Variants in PITPNM2 observed in about 807,000 individuals in gnomAD.
PITPNM2 encodes membrane-associated phosphatidylinositol transfer protein 2.
Under a neutral mutation model 132.2 loss-of-function variants are expected in PITPNM2, and 35 were observed. The ratio of observed to expected loss-of-function variants is 0.26; its 90% CI spans 0.20 to 0.35. The LOEUF (loss-of-function observed/expected upper bound fraction) is 0.35. PITPNM2 is among the 10% of genes least tolerant of loss of function. PITPNM2 has a pLI of 1.00. For synonymous variants in PITPNM2, 738 were observed against 799.2 expected (o/e 0.92, Z 1.29); for missense variants, 1,332 against 1,912.0 (o/e 0.70, Z 5.66).
chr12:123,001,036 A>T lies in PITPNM2; in HGVS notation c.1153+18T>A, dbSNP rs1594134499. On this transcript the variant is annotated intron_variant, in intron 9 of 25. Transcript: ENST00000320201. ...AACCGCCCTCCCCAGGCTCTGCAGC[A>T]CCCCCAGACCTGCTGACCTTGTGTG... 6.2e-7 allele frequency: 1 copy of T among 1,608,974 alleles called. No homozygotes were observed. The highest frequency in any genetic ancestry group is 2.2e-5 in the East Asian group (1 of 44,844).
intron 2 of PITPNM2, chr12:123,091,631 C>A (rs1194990349): frequency 6.6e-6 from 1 of 152,126 alleles, no homozygotes; most frequent in Non-Finnish European, 1.5e-5. Context: ...TGCATTTGAG[C>A]ACTACAAGCA....
chr12:123,043,664 G>A (rs2040564022), intron 2 of PITPNM2, among the ~76,000 whole-genome samples: 1 of 152,226 alleles, frequency 6.6e-6, no homozygotes, highest in Non-Finnish European at 1.5e-5. Context: ...GCAGCTCCAG[G>A]AGCAGGAGTG....
chr12:123,062,119 T>G (rs1257950497), intron 2 of PITPNM2, among the ~76,000 whole-genome samples: 2 of 152,160 alleles, frequency 1.3e-5, no homozygotes, highest in African/African-American at 4.8e-5. Context: ...GGGACCCTGA[T>G]GCTTGCTGCT....
rs1592937873 is a variant in PITPNM2 at position 123,008,071 on chromosome 12, A to C, written c.643+1779T>G. Among the ~76,000 whole-genome samples the C allele has an allele frequency of 6.6e-6, 1 of 152,224 alleles. No homozygotes were observed. The highest frequency in any genetic ancestry group is 2.4e-5 in the African/African-American group (1 of 41,442). On this transcript the variant is annotated intron_variant, in intron 6 of 25. Transcript: ENST00000320201. The surrounding 1 kb of genome is among the most constrained non-coding windows in gnomAD (Gnocchi z 4.1). The stretch of plus-strand genomic sequence containing the variant: ...TGTCATTACACCCATTTTACAGAAG[A>C]GAAAAGCAAAGCTCAGTGAGGCTGA...
intron 1 of PITPNM2, among the ~76,000 whole-genome samples, chr12:123,143,310 A>T (rs1383204116): frequency 6.6e-6 from 1 of 152,122 alleles, no homozygotes; most frequent in Non-Finnish European, 1.5e-5. Context: ...AGGACAACAG[A>T]AGCAAAGTGC....
intron 1 of PITPNM2, among the ~76,000 whole-genome samples, chr12:123,125,317 T>A (rs1042587187): frequency 6.6e-6 from 1 of 151,990 alleles, no homozygotes; most frequent in African/African-American, 2.4e-5. Context: ...AAATTGTGAG[T>A]CTTGAATTGT....
intron 16 of PITPNM2, chr12:122,991,773 G>A (rs537987158): frequency 6.1e-4 from 793 of 1,297,872 alleles, no homozygotes; most frequent in Non-Finnish European, 6.7e-4. Flanking sequence ...CAGCCCGGGC[G>A]GGGCCCGTCT....
intron 3 of PITPNM2, among the ~76,000 whole-genome samples, chr12:123,033,743 G>C (rs2040174030): frequency 6.6e-6 from 1 of 152,154 alleles, no homozygotes; most frequent in African/African-American, 2.4e-5. Context: ...CTGACCCCCA[G>C]TGTGATGGTA....
chr12:123,136,879 C>T (rs1379010371), intron 1 of PITPNM2, among the ~76,000 whole-genome samples: 1 of 152,150 alleles, frequency 6.6e-6, no homozygotes, highest in Non-Finnish European at 1.5e-5. Flanking sequence ...CCAGATAGAG[C>T]GAGACTCCGT....
At chr12:123,088,026 C>T (rs930698324) in intron 2 of PITPNM2, 2 of 152,262 alleles carry the variant, frequency 1.3e-5, no homozygotes, top group Admixed American at 1.3e-4. Context: ...ACCTCAGAAT[C>T]CTCCAAGAAC....
chr12:123,027,725 G>GT (rs1032886914), intron 3 of PITPNM2, among the ~76,000 whole-genome samples: 3 of 152,250 alleles, frequency 2.0e-5, no homozygotes, highest in African/African-American at 7.2e-5. Context: ...GCACTTTGGT[G>GT]TTTCCTGAAA....
At chr12:123,038,268 C>T (rs1185958847) in intron 2 of PITPNM2, among the ~76,000 whole-genome samples, 1 of 152,214 alleles carries the variant, frequency 6.6e-6, no homozygotes, top group East Asian at 1.9e-4. Flanking sequence ...CGTTCTATAT[C>T]TTACAGTTAA....
Position 122,986,369 on chromosome 12 carries a change from C to T in PITPNM2, c.3727-19G>A, listed in dbSNP as rs373719967. 5.1e-4 allele frequency: 805 copies of T among 1,578,690 alleles called. 2 individuals carry two copies. Among genetic ancestry groups the T allele is most frequent in the South Asian group, 4.1e-3 (351 of 86,012 alleles). Reference sequence around the variant, plus strand: ...TGATGAACTGCGGGGTCAGTGAGGACGGCTGTCACAGGCTGGGGCTCCCCG... The same window carrying T: ...TGATGAACTGCGGGGTCAGTGAGGATGGCTGTCACAGGCTGGGGCTCCCCG... On this transcript the variant is annotated intron_variant, in intron 25 of 25. Transcript: ENST00000320201.
intron 2 of PITPNM2, among the ~76,000 whole-genome samples, chr12:123,059,226 G>T (rs529797917): frequency 3.3e-5 from 5 of 152,326 alleles, no homozygotes; most frequent in African/African-American, 9.6e-5. Flanking sequence ...TCTTCCAAGG[G>T]CCATCTGGAG....
chr12:123,012,820 A>C (rs1222965158), intron 4 of PITPNM2, 86 bp from the exon 5 acceptor site: 1 of 1,545,822 alleles, frequency 6.5e-7, no homozygotes, highest in Non-Finnish European at 8.8e-7. Context: ...ACTGGGTAGG[A>C]GTGGAGCTGG....
intron 1 of PITPNM2, among the ~76,000 whole-genome samples, chr12:123,125,688 CAAAAAT>C (rs1295117064): frequency 1.3e-5 from 2 of 150,232 alleles, no homozygotes; most frequent in Non-Finnish European, 3.0e-5. Flanking sequence ...ATTAAAAATA[CAAAAAT>C]TAGCTGGGCG....
rs1191881367 is a variant in PITPNM2, at chr12:122,994,503, A to G, written c.2233+298T>C. 2.0e-5 allele frequency among the ~76,000 whole-genome samples: 3 copies of G among 152,090 alleles called. No individual in the cohort carries two copies. Among genetic ancestry groups the G allele is most frequent in the Non-Finnish European group, 4.4e-5 (3 of 68,004 alleles). ...GACCTGGGAGGCTGGGTCTGTCTCC[A>G]TCTGACTCTGGGGTGGTGCCTTCTC... On this transcript the variant is annotated intron_variant, in intron 15 of 25. Coordinates refer to ENST00000320201, the MANE Select transcript of PITPNM2 (RefSeq NM_020845.3). This position sits in a 1 kb window ranked among gnomAD's most constrained non-coding sequence, Gnocchi z 5.4.
intron 1 of PITPNM2, among the ~76,000 whole-genome samples, chr12:123,113,225 T>C (rs932630649): frequency 2.0e-5 from 3 of 152,162 alleles, no homozygotes; most frequent in African/African-American, 7.2e-5. Flanking sequence ...CCAGCCTCCG[T>C]TGACATGGCG....
intron 2 of PITPNM2, among the ~76,000 whole-genome samples, chr12:123,035,459 C>T (rs1417176548): frequency 2.0e-5 from 3 of 151,938 alleles, no homozygotes; most frequent in South Asian, 4.1e-4. Context: ...TGAGGTTCGG[C>T]GTTCAAGACC....
Sources: gnomAD v4.1 joint callset for allele counts (sites outside exome capture counted in the v4.1 genomes callset) on GRCh38, gnomAD v4.1.1 for gene constraint, Gnocchi (gnomAD v3.1) non-coding constraint, MANE v1.5 for transcripts, NCBI Gene and HGNC (gene_info 2026-07-23, HGNC 2026-07-21) for gene names.